The following TLE4 variants were observed in gnomAD, a reference collection of about 807,000 sequenced individuals.
TLE4 encodes transducin-like enhancer protein 4.
In TLE4, 8 loss-of-function variants were observed where a neutral mutation model predicts 92.8. That is an observed-to-expected ratio of 0.09 (90% confidence interval 0.05 to 0.16). The LOEUF is 0.16. TLE4 is among the 10% of genes least tolerant of loss of function. The pLI is 1.00. For synonymous variants in TLE4, 371 were observed against 374.1 expected (o/e 0.99, Z 0.10); for missense variants, 675 against 997.6 (o/e 0.68, Z 4.36).
At chr9:79,642,393 C>G (rs1748069621) in intron 6 of TLE4, among the ~76,000 whole-genome samples, 2 of 151,660 alleles carry the variant, frequency 1.3e-5, no homozygotes, top group Admixed American at 6.6e-5. Flanking sequence ...GTAGCTGGGA[C>G]TACAGGCACA....
At chr9:79,652,453 C>G in intron 6 of TLE4, 140 bp from the exon 7 acceptor site, 2 of 843,542 alleles carry the variant, frequency 2.4e-6, no homozygotes, top group Admixed American at 4.2e-5. Context: ...TCCCAAAGTG[C>G]TGGGATTACA....
At chr9:79,705,572 G>A (rs1024405280) in intron 9 of TLE4, among the ~76,000 whole-genome samples, 2 of 152,202 alleles carry the variant, frequency 1.3e-5, no homozygotes, top group Non-Finnish European at 2.9e-5. Flanking sequence ...GCCGGATTTA[G>A]CCTGGGCCTG....
At chr9:79,709,115 GAGTC>G (rs1437573819) in intron 13 of TLE4, among the ~76,000 whole-genome samples, 1 of 152,186 alleles carries the variant, frequency 6.6e-6, no homozygotes. Flanking sequence ...TTACAAGCAT[GAGTC>G]ACCATGCCTG....
intron 5 of TLE4, among the ~76,000 whole-genome samples, chr9:79,615,440 C>T (rs759067694): frequency 1.3e-5 from 2 of 151,980 alleles, no homozygotes; most frequent in Non-Finnish European, 2.9e-5. Context: ...CAAAACAATT[C>T]CTGAAGAGTA....
chr9:79,654,234 T>C (rs2059439867), intron 8 of TLE4, among the ~76,000 whole-genome samples, 159 bp downstream of exon 8: 1 of 151,780 alleles, frequency 6.6e-6, no homozygotes, highest in Non-Finnish European at 1.5e-5. Flanking sequence ...TGGTTGATTT[T>C]TTTTTTTTTT....
At chr9:79,682,289 G>A (rs2064872392) in intron 8 of TLE4, among the ~76,000 whole-genome samples, 1 of 152,138 alleles carries the variant, frequency 6.6e-6, no homozygotes, top group Non-Finnish European at 1.5e-5. Flanking sequence ...ATGTAAAAGT[G>A]TATTAATGTT....
chr9:79,722,409 G>A (rs142928866), intron 17 of TLE4, 42 bp from the exon 18 acceptor site: 60 of 1,607,670 alleles, frequency 3.7e-5, no homozygotes, highest in Non-Finnish European at 4.3e-5. Flanking sequence ...AAAGAAGCGT[G>A]TCCACTGTGG....
chr9:79,617,744 T>G (rs1001634170), intron 5 of TLE4, among the ~76,000 whole-genome samples: 4 of 152,118 alleles, frequency 2.6e-5, no homozygotes, highest in African/African-American at 9.7e-5. Context: ...ACTGTAGGAT[T>G]TTTATATGAG....
At chr9:79,644,080 A>G (rs755006096) in intron 6 of TLE4, among the ~76,000 whole-genome samples, 3 of 152,092 alleles carry the variant, frequency 2.0e-5, no homozygotes, top group Non-Finnish European at 2.9e-5. Context: ...TATAGTTCCT[A>G]CAATCCCCAT....
chr9:79,625,792 A>C (rs2052466222), intron 5 of TLE4, among the ~76,000 whole-genome samples: 2 of 151,890 alleles, frequency 1.3e-5, no homozygotes, highest in South Asian at 4.1e-4. Flanking sequence ...TACTTGCTTC[A>C]GAGAAAGAAA....
chr9:79,642,666 C>T (rs774710329), intron 6 of TLE4, among the ~76,000 whole-genome samples: 31 of 152,034 alleles, frequency 2.0e-4, no homozygotes, highest in Non-Finnish European at 3.4e-4. Flanking sequence ...TCATAAAATA[C>T]GCTAACGGGA....
At chr9:79,639,861 A>G (rs1174486368) in intron 6 of TLE4, among the ~76,000 whole-genome samples, 4 of 152,178 alleles carry the variant, frequency 2.6e-5, no homozygotes, top group Admixed American at 6.5e-5. Flanking sequence ...GAATATCCCT[A>G]TAGTTAAGTG....
chr9:79,605,414 C>G (rs2132772216), intron 4 of TLE4, among the ~76,000 whole-genome samples: 1 of 152,154 alleles, frequency 6.6e-6, no homozygotes, highest in Non-Finnish European at 1.5e-5. Flanking sequence ...CATTCTCAAC[C>G]TTGATAATTT....
intron 6 of TLE4, among the ~76,000 whole-genome samples, chr9:79,627,956 T>G (rs1466293309): frequency 9.2e-5 from 14 of 152,190 alleles, no homozygotes; most frequent in Admixed American, 9.2e-4. Context: ...CTACACTTTA[T>G]TTTTAAAAAA....
At chr9:79,581,433 G>A (rs2039636485) in intron 4 of TLE4, among the ~76,000 whole-genome samples, 1 of 152,128 alleles carries the variant, frequency 6.6e-6, no homozygotes, top group Admixed American at 6.5e-5. Flanking sequence ...TCCCATGATG[G>A]ATTCTTTTGT....
In TLE4 at chr9:79,572,486, C is replaced by A. The variant is rs2036072223; in HGVS notation, c.-305C>A. 2 of 153,802 alleles carry A rather than the reference C, an allele frequency of 1.3e-5. No homozygotes were observed. The highest frequency in any genetic ancestry group is 2.0e-4 in the South Asian group (1 of 4,970). 9.5% of individuals were successfully genotyped at this position (153,802 alleles called of 1,614,324 possible). On this transcript the variant is annotated 5_prime_UTR_variant, in exon 1 of 20. Transcript: ENST00000376552. ...GGTGAGCGGCGGCCGCGGCGCCGGG[C>A]TCGGCGGGTGCGCCTCGGCGGAGCG...
chr9:79,580,127 G>A (rs552630311), intron 4 of TLE4: 1 of 152,204 alleles, frequency 6.6e-6, no homozygotes, highest in South Asian at 2.1e-4. Flanking sequence ...AGCAAATAAA[G>A]CAAAACTGCC....
At chr9:79,600,610 C>A (rs747225832) in intron 4 of TLE4, among the ~76,000 whole-genome samples, 3 of 152,108 alleles carry the variant, frequency 2.0e-5, no homozygotes, top group Admixed American at 6.6e-5. Context: ...TATCAGAATC[C>A]GTATGTGGAA....
At chr9:79,577,593 G>T (rs1242746419) in intron 4 of TLE4, among the ~76,000 whole-genome samples, 2 of 152,112 alleles carry the variant, frequency 1.3e-5, no homozygotes, top group Non-Finnish European at 2.9e-5. Context: ...TACCTTACAG[G>T]AATAAATTAC....
Sources: gnomAD v4.1 joint callset for allele counts (sites outside exome capture counted in the v4.1 genomes callset) on GRCh38, gnomAD v4.1.1 for gene constraint, MANE v1.5 for transcripts, NCBI Gene and HGNC (gene_info 2026-07-23, HGNC 2026-07-21) for gene names.